The following SIK3 variants were observed in gnomAD, a reference collection of about 807,000 sequenced individuals.
SIK3 encodes the protein serine/threonine-protein kinase SIK3.
SIK3 carries 28 observed loss-of-function variants against 144.2 expected under a neutral mutation model. The observed-to-expected ratio is 0.19, with a 90% CI of 0.14 to 0.27. SIK3 has a LOEUF of 0.27. SIK3 is among the 10% of genes least tolerant of loss of function. The pLI is 1.00. For missense variants in SIK3, 1,319 were observed against 1,776.0 expected (o/e 0.74, Z 4.62); for synonymous variants, 686 against 676.3 (o/e 1.01, Z -0.22).
At chr11:116,968,139 G>GT (rs1565510351) in intron 1 of SIK3, among the ~76,000 whole-genome samples, 21 of 151,902 alleles carry the variant, frequency 1.4e-4, no homozygotes, top group African/African-American at 5.1e-4. Context: ...TAAATTTCTG[G>GT]GTTTTTTTGT....
Position 116,897,135 on chromosome 11 carries a change from G to A in SIK3, c.741+58C>T, listed in dbSNP as rs1945453614. On this transcript the variant is annotated intron_variant, in intron 5 of 24. Transcript: ENST00000445177. ...TTATGTATCCTTCAGGATGCGAATAGCTGTCATCAACCAAGGGTAGCTAAT... is the reference window on the plus strand; with the variant it reads ...TTATGTATCCTTCAGGATGCGAATAACTGTCATCAACCAAGGGTAGCTAAT... 7.7e-6 allele frequency: 12 copies of A among 1,564,542 alleles called. No homozygotes were observed. In the South Asian group the frequency reaches 1.2e-4, roughly 15 times the overall value.
chr11:116,901,041 T>A (rs547478535), intron 4 of SIK3, among the ~76,000 whole-genome samples: 19 of 152,188 alleles, frequency 1.2e-4, no homozygotes, highest in African/African-American at 4.6e-4. Context: ...ATTTTTGTAT[T>A]TTTAGTAGAG....
intron 1 of SIK3, among the ~76,000 whole-genome samples, chr11:117,060,872 G>A (rs1399275824): frequency 4.6e-5 from 7 of 152,124 alleles, no homozygotes; most frequent in Admixed American, 1.3e-4. Context: ...AGGGAAAATC[G>A]TGAGGACAGG....
chr11:116,858,164 A>T lies in SIK3; in HGVS notation c.3301T>A (p.Tyr1101Asn). The change falls in exon 21 of 25, where the codon TAT (tyrosine) becomes AAT (asparagine). Residue 1101 changes from tyrosine (Y) to asparagine (N), a missense_variant. Tyr to Asn is a moderately radical substitution (Grantham distance 143). This residue lies in a region of SIK3 where 646 missense variants were observed against 763.7 expected (regional missense o/e 0.85). Transcript: ENST00000445177. This position sits in a 1 kb window ranked among gnomAD's most constrained non-coding sequence, Gnocchi z 5.4. Reference sequence around the variant, plus strand: ...TGCTGGGGGCTGGTGTGATGGTGATAAGAGTCAGCATTTTGATAAGATAAA... The same window carrying T: ...TGCTGGGGGCTGGTGTGATGGTGATTAGAGTCAGCATTTTGATAAGATAAA... ...QALSYQNADSYHHHTSPQHLL... is the reference protein window; with the variant it reads ...QALSYQNADSNHHHTSPQHLL... 6.2e-7 allele frequency: 1 copy of T among 1,614,046 alleles called. No individual in the cohort carries two copies. Among genetic ancestry groups the T allele is most frequent in the Non-Finnish European group, 8.5e-7 (1 of 1,180,018 alleles).
chr11:116,846,782 T>C lies in SIK3; in HGVS notation c.3953-229A>G, dbSNP rs146882407. Reference sequence around the variant, plus strand: ...TGTTCTGCTTTTTTCCCTTTTCCTTTACCCTTTCCCATCCTTAGGTAAGAT... The same window carrying C: ...TGTTCTGCTTTTTTCCCTTTTCCTTCACCCTTTCCCATCCTTAGGTAAGAT... On this transcript the variant is annotated intron_variant, in intron 23 of 24. Coordinates refer to ENST00000445177, the MANE Select transcript of SIK3 (RefSeq NM_001366686.3). This position sits in a 1 kb window ranked among gnomAD's most constrained non-coding sequence, Gnocchi z 4.1. Among the ~76,000 whole-genome samples the C allele has an allele frequency of 6.6e-6, 1 of 152,318 alleles. No homozygotes were observed. The highest frequency in any genetic ancestry group is 1.5e-5 in the Non-Finnish European group (1 of 68,024).
chr11:117,012,638 T>C (rs1054361548), intron 1 of SIK3, among the ~76,000 whole-genome samples: 6 of 152,222 alleles, frequency 3.9e-5, no homozygotes, highest in African/African-American at 1.2e-4. Context: ...AAACAATCCT[T>C]CTCACTGCTC....
intron 19 of SIK3, among the ~76,000 whole-genome samples, chr11:116,860,610 A>G (rs1943270190): frequency 6.6e-6 from 1 of 152,238 alleles, no homozygotes; most frequent in Non-Finnish European, 1.5e-5. Context: ...AAAAATATTA[A>G]TAATAGTAAA....
rs188446832 is a variant in SIK3, at chr11:117,086,528, A to C, written c.273+11615T>G. Among the ~76,000 whole-genome samples the C allele has an allele frequency of 3.9e-5, 6 of 152,134 alleles. No individual in the cohort carries two copies. The East Asian group carries it at 1.2e-3, about 29-fold the overall frequency. On this transcript the variant is annotated intron_variant, in intron 1 of 24. Coordinates refer to ENST00000445177, the MANE Select transcript of SIK3 (RefSeq NM_001366686.3). ...GCATGGTGAAACCCCGTCTCTACTAAAAATACAAAAAAATTAGCCGGGTGT... is the reference window on the plus strand; with the variant it reads ...GCATGGTGAAACCCCGTCTCTACTACAAATACAAAAAAATTAGCCGGGTGT...
intron 1 of SIK3, among the ~76,000 whole-genome samples, chr11:117,067,738 G>C (rs1337497299): frequency 2.0e-5 from 3 of 152,098 alleles, no homozygotes; most frequent in African/African-American, 7.2e-5. Flanking sequence ...TGTAATCCCA[G>C]CACTTTGAGA....
chr11:116,995,942 G>A (rs533785186), intron 1 of SIK3, among the ~76,000 whole-genome samples: 13 of 152,200 alleles, frequency 8.5e-5, no homozygotes, highest in East Asian at 3.9e-4. Flanking sequence ...TTGAGCCCAA[G>A]GAGTTCAAGG....
At chr11:116,942,489 T>G (rs142446806) in intron 3 of SIK3, among the ~76,000 whole-genome samples, 7 of 152,082 alleles carry the variant, frequency 4.6e-5, no homozygotes, top group Non-Finnish European at 2.9e-5. Flanking sequence ...AATAAATATA[T>G]GTCAGTTCAT....
rs537953706 is a variant in SIK3, at chr11:117,026,138, C to T, written c.274-69074G>A. 7.3e-4 allele frequency among the ~76,000 whole-genome samples: 111 copies of T among 152,070 alleles called. 1 individual carries two copies. The highest frequency in any genetic ancestry group is 1.4e-3 in the Non-Finnish European group (92 of 68,018). On this transcript the variant is annotated intron_variant, in intron 1 of 24. Coordinates refer to ENST00000445177, the MANE Select transcript of SIK3 (RefSeq NM_001366686.3). The stretch of plus-strand genomic sequence containing the variant: ...CAACAGAGGTCCTGTAAGATGATAA[C>T]GCTGTATTTATACTGCACCTTTCCT...
chr11:116,954,279 A>G (rs1949058553), intron 2 of SIK3, among the ~76,000 whole-genome samples, 172 bp from the exon 3 acceptor site: 1 of 152,216 alleles, frequency 6.6e-6, no homozygotes, highest in South Asian at 2.1e-4. Context: ...GAAGAAAGGG[A>G]AAATTAGATA....
intron 1 of SIK3, among the ~76,000 whole-genome samples, chr11:116,986,123 C>A (rs1448244092): frequency 6.6e-6 from 1 of 152,154 alleles, no homozygotes; most frequent in African/African-American, 2.4e-5. Flanking sequence ...CACTCTTCCT[C>A]CTTTCTCTGA....
At position 116,956,954 on chromosome 11, in the gene SIK3, G is replaced by T; in HGVS notation, c.384C>A (p.Leu128=). 6.3e-7 allele frequency: 1 copy of T among 1,597,134 alleles called. No homozygotes were observed. Among genetic ancestry groups the T allele is most frequent in the Non-Finnish European group, 8.5e-7 (1 of 1,171,446 alleles). Residue 128 remains leucine, a synonymous_variant, in exon 2 of 25, where the codon CTC becomes CTA. Transcript: ENST00000445177. ...TATACACTAATGATCCTACCTGGTA[G>T]AGCCTGATGATATGGGGGTGGCAAA... ...KMLCHPHIIR[L]YQVMETERMI...
chr11:116,963,268 T>C (rs1207089555), intron 1 of SIK3, among the ~76,000 whole-genome samples: 4 of 152,230 alleles, frequency 2.6e-5, no homozygotes, highest in Non-Finnish European at 1.5e-5. Context: ...TCTCAGAGAA[T>C]TAAGTCTTAC....
chr11:116,884,998 AATTTCAAAAATGAT>A lies in SIK3; in HGVS notation c.866-7970_866-7957del, dbSNP rs541053048. Among the ~76,000 whole-genome samples, 17 of 152,360 alleles carry A rather than the reference AATTTCAAAAATGAT, an allele frequency of 1.1e-4. No individual in the cohort carries two copies. The South Asian group carries it at 3.3e-3, about 30-fold the overall frequency. ...AAATGGAAGTCCCACACTTCAGTAA[AATTTCAAAAATGAT>A]ATTCCAACAGTAAGATATCAGAAAA... On this transcript the variant is annotated intron_variant, in intron 6 of 24. Coordinates refer to ENST00000445177, the MANE Select transcript of SIK3 (RefSeq NM_001366686.3).
chr11:116,940,342 A>G (rs1948219570), intron 3 of SIK3, among the ~76,000 whole-genome samples: 1 of 148,696 alleles, frequency 6.7e-6, no homozygotes, highest in Non-Finnish European at 1.5e-5. Flanking sequence ...TGATTCTTGT[A>G]CCTCAGCCTC....
intron 1 of SIK3, among the ~76,000 whole-genome samples, chr11:117,094,971 T>C (rs976308205): frequency 3.3e-5 from 5 of 152,076 alleles, no homozygotes; most frequent in Admixed American, 6.6e-5. Flanking sequence ...TCTGAGCTCA[T>C]GAATGCCGTG....
Sources: allele counts gnomAD v4.1 joint callset (sites outside exome capture counted in the v4.1 genomes callset), GRCh38; gene constraint gnomAD v4.1.1; regional missense constraint gnomAD v4.1.1; non-coding constraint Gnocchi (gnomAD v3.1); transcripts MANE v1.5; gene names NCBI Gene and HGNC (gene_info 2026-07-23, HGNC 2026-07-21).